The following ARID5B variants were observed in gnomAD, a reference collection of about 807,000 sequenced individuals.
ARID5B encodes AT-rich interactive domain-containing protein 5B.
In ARID5B, 13 loss-of-function variants were observed where a neutral mutation model predicts 97.2. That is an observed-to-expected ratio of 0.13 (90% CI 0.09 to 0.21). The LOEUF is 0.21. Ranked by LOEUF, ARID5B falls within the 10% of genes least tolerant of loss-of-function variation. The probability of loss-of-function intolerance (pLI) is 1.00; values close to 1 mark genes in which losing one functional copy is unlikely to be tolerated. For missense variants in ARID5B, 1,210 were observed against 1,465.3 expected (o/e 0.83, Z 2.84); for synonymous variants, 556 against 570.3 (o/e 0.97, Z 0.36).
At chr10:62,022,240 A>G (rs1431190727) in intron 4 of ARID5B, among the ~76,000 whole-genome samples, 1 of 152,204 alleles carries the variant, frequency 6.6e-6, no homozygotes, top group East Asian at 1.9e-4. Flanking sequence ...TGGTGTGCGG[A>G]TTTCCAGTTA....
In ARID5B at chr10:62,091,416, C is replaced by G; in HGVS notation, c.1953C>G (p.Val651=). The G allele has an allele frequency of 6.2e-7, 1 of 1,612,964 alleles. No homozygotes were observed. The highest frequency in any genetic ancestry group is 1.7e-5 in the Admixed American group (1 of 59,936). Residue 651 remains valine (V), a synonymous_variant, in exon 10 of 10, where the codon GTC becomes GTG. Coordinates refer to ENST00000279873, the MANE Select transcript of ARID5B (RefSeq NM_032199.3). The part of the protein sequence containing the change: ...ALKQTPKVLV[V]QSFDMFKDKD... ...AGCAGACCCCAAAGGTCCTTGTGGT[C>G]CAGTCGTTTGACATGTTCAAAGACA... is the stretch of plus-strand genomic sequence containing the variant.
Position 61,906,250 on chromosome 10 carries a change from T to A in ARID5B, c.276+3837T>A, listed in dbSNP as rs182085107. On this transcript the variant is annotated intron_variant, in intron 2 of 9. Coordinates refer to ENST00000279873, the MANE Select transcript of ARID5B (RefSeq NM_032199.3). ...AAAAAAACTTGTGTCTGTGTGGAGGTTCTTGGACCTAAAAATGATACCATC... is the reference window on the plus strand; with the variant it reads ...AAAAAAACTTGTGTCTGTGTGGAGGATCTTGGACCTAAAAATGATACCATC... Among the ~76,000 whole-genome samples, 216 of 152,050 alleles carry A rather than the reference T, an allele frequency of 1.4e-3. 1 individual carries two copies. The highest frequency in any genetic ancestry group is 3.3e-3 in the Admixed American group (51 of 15,272).
intron 3 of ARID5B, among the ~76,000 whole-genome samples, chr10:61,991,759 G>A (rs1375340157): frequency 6.6e-6 from 1 of 152,200 alleles, no homozygotes; most frequent in East Asian, 1.9e-4. Flanking sequence ...GCCAGGCACG[G>A]TGGCTCACGC....
At chr10:61,912,618 GTA>G (rs1196767361) in intron 2 of ARID5B, among the ~76,000 whole-genome samples, 1 of 150,456 alleles carries the variant, frequency 6.6e-6, no homozygotes, top group African/African-American at 2.4e-5. Context: ...GAAAATAAAA[GTA>G]TATATATAGG....
At chr10:61,937,149 G>T (rs1844319494) in intron 2 of ARID5B, among the ~76,000 whole-genome samples, 2 of 152,234 alleles carry the variant, frequency 1.3e-5, no homozygotes, top group Admixed American at 1.3e-4. Context: ...ATAGTTAAGG[G>T]AAAACTGGAC....
At chr10:62,067,340 C>T (rs1459463048) in intron 7 of ARID5B, among the ~76,000 whole-genome samples, 1 of 152,206 alleles carries the variant, frequency 6.6e-6, no homozygotes, top group Non-Finnish European at 1.5e-5. Flanking sequence ...GCCTCGGCCT[C>T]CCAAAGTGCT....
chr10:62,032,959 A>G (rs1276071589), intron 4 of ARID5B, among the ~76,000 whole-genome samples: 2 of 152,138 alleles, frequency 1.3e-5, no homozygotes, highest in Non-Finnish European at 2.9e-5. Context: ...TCTACTGAAA[A>G]CGCGAGAGCA....
At chr10:61,943,306 A>T (rs1445706711) in intron 3 of ARID5B, among the ~76,000 whole-genome samples, 3 of 152,080 alleles carry the variant, frequency 2.0e-5, no homozygotes, top group African/African-American at 7.2e-5. Flanking sequence ...CTTTCTCCGC[A>T]GTGGTTTTCT....
intron 8 of ARID5B, among the ~76,000 whole-genome samples, chr10:62,080,131 T>C (rs971728344): frequency 6.6e-6 from 1 of 152,176 alleles, no homozygotes; most frequent in Non-Finnish European, 1.5e-5. Flanking sequence ...TCAGCGTGGC[T>C]TCTTACTCCG....
chr10:62,087,298 C>A (rs866234949), intron 9 of ARID5B, among the ~76,000 whole-genome samples: 91 of 40,904 alleles, frequency 2.2e-3, no homozygotes, highest in East Asian at 0.01. Context: ...GACTCTATCT[C>A]AAAAAAAAAA....
intron 2 of ARID5B, among the ~76,000 whole-genome samples, chr10:61,905,488 A>G (rs4589241): frequency 0.074 from 11,214 of 151,774 alleles, 538 homozygotes; most frequent in East Asian, 0.13. Flanking sequence ...TTTGTAATAA[A>G]TTGTGGGAGG....
At chr10:62,009,518 C>G (rs1280147985) in intron 4 of ARID5B, among the ~76,000 whole-genome samples, 1 of 152,112 alleles carries the variant, frequency 6.6e-6, no homozygotes, top group Non-Finnish European at 1.5e-5. Context: ...CATGAGCGAC[C>G]TCAGAGAGGT....
intron 4 of ARID5B, among the ~76,000 whole-genome samples, chr10:62,011,939 C>A (rs1157785759): frequency 6.6e-6 from 1 of 152,114 alleles, no homozygotes; most frequent in Non-Finnish European, 1.5e-5. Context: ...CCTAATTAAC[C>A]AGAATCTTCC....
At chr10:62,015,698 A>G (rs944730485) in intron 4 of ARID5B, among the ~76,000 whole-genome samples, 6 of 152,124 alleles carry the variant, frequency 3.9e-5, no homozygotes, top group Admixed American at 3.9e-4. Flanking sequence ...ATCTTGGCTC[A>G]CTGCAACCTC....
intron 2 of ARID5B, among the ~76,000 whole-genome samples, chr10:61,912,659 T>C (rs1417360956): frequency 6.9e-6 from 1 of 144,636 alleles, no homozygotes; most frequent in East Asian, 2.0e-4. Context: ...TGTATATATA[T>C]GCATGTTTAT....
chr10:62,011,512 C>G (rs1399507128), intron 4 of ARID5B, among the ~76,000 whole-genome samples: 1 of 152,268 alleles, frequency 6.6e-6, no homozygotes, highest in Admixed American at 6.5e-5. Context: ...CCTTGCAGAC[C>G]CTTGGTGCCA....
chr10:62,062,368 C>T (rs1839931964), intron 7 of ARID5B, among the ~76,000 whole-genome samples: 1 of 152,168 alleles, frequency 6.6e-6, no homozygotes. Context: ...TAATGGGGAA[C>T]TTTAAGTGGT....
rs753137439 is a variant in ARID5B at position 62,093,019 on chromosome 10, A to G, written c.3556A>G (p.Thr1186Ala). The G allele has an allele frequency of 6.2e-7, 1 of 1,607,498 alleles. No homozygotes were observed. Among genetic ancestry groups the G allele is most frequent in the South Asian group, 1.1e-5 (1 of 90,570 alleles). ...SSQLSSVHPS[T>A]KL ...CCAGCTGTCATCCGTGCACCCCAGT[A>G]CAAAACTGTAGGCTCAGCTCTGCCC... The change falls in exon 10 of 10, where the codon ACA (threonine) becomes GCA (alanine). Residue 1186 changes from threonine to alanine, a missense_variant. Physicochemically the swap from Thr to Ala is moderately conservative, Grantham distance 58 (BLOSUM62 0). This residue lies in a region of ARID5B where 54 missense variants were observed against 67.4 expected (regional missense o/e 0.80). Coordinates refer to ENST00000279873, the MANE Select transcript of ARID5B (RefSeq NM_032199.3).
At chr10:62,029,364 AT>A (rs1235046420) in intron 4 of ARID5B, among the ~76,000 whole-genome samples, 1 of 152,116 alleles carries the variant, frequency 6.6e-6, no homozygotes, top group Admixed American at 6.5e-5. Context: ...ATAACAACTT[AT>A]TTTTTTCCTG....
Sources: gnomAD v4.1 joint callset for allele counts (sites outside exome capture counted in the v4.1 genomes callset) on GRCh38, gnomAD v4.1.1 for gene constraint, gnomAD v4.1.1 regional missense constraint, MANE v1.5 for transcripts, NCBI Gene and HGNC (gene_info 2026-07-23, HGNC 2026-07-21) for gene names.